Variants in IL1RAPL1 observed in about 807,000 individuals in gnomAD.
The protein encoded by IL1RAPL1 is interleukin-1 receptor accessory protein-like 1.
Under a neutral mutation model 48.4 loss-of-function variants are expected in IL1RAPL1, and 3 were observed. The observed-to-expected ratio is 0.06, with a 90% CI of 0.03 to 0.16. The LOEUF is 0.16. IL1RAPL1 is among the 10% of genes least tolerant of loss of function. The probability of loss-of-function intolerance (pLI) is 1.00; values close to 1 mark genes in which losing one functional copy is unlikely to be tolerated. For missense variants in IL1RAPL1, 349 were observed against 530.6 expected, an observed-to-expected ratio of 0.66 and a Z score of 3.36; for synonymous variants, 185 against 187.7, an observed-to-expected ratio of 0.99 and a Z score of 0.12.
At chrX:29,489,806 A>C (rs1020673619) in intron 5 of IL1RAPL1, among the ~76,000 whole-genome samples, 1 of 112,011 alleles carries the variant, frequency 8.9e-6, no homozygotes, top group Non-Finnish European at 1.9e-5. Context: ...GCTTAATACT[A>C]TGCAATACAA....
intron 6 of IL1RAPL1, among the ~76,000 whole-genome samples, chrX:29,717,600 C>T (rs1240855992): frequency 8.9e-6 from 1 of 112,418 alleles, no homozygotes; most frequent in Admixed American, 9.4e-5. Context: ...CAAACTATGG[C>T]CCTTGAGCCA....
chrX:29,582,136 G>A (rs750024568), intron 5 of IL1RAPL1, among the ~76,000 whole-genome samples: 5 of 111,071 alleles, frequency 4.5e-5, no homozygotes, highest in African/African-American at 1.6e-4. Context: ...ATTGCTTAAC[G>A]TGGGAAAACA....
At chrX:29,787,916 A>G (rs1929538753) in intron 6 of IL1RAPL1, among the ~76,000 whole-genome samples, 1 of 112,121 alleles carries the variant, frequency 8.9e-6, no homozygotes, top group African/African-American at 3.2e-5. Context: ...AACTGTTTAG[A>G]AAGTTTGTTT....
At chrX:28,933,577 G>A (rs1041343703) in intron 2 of IL1RAPL1, among the ~76,000 whole-genome samples, 6 of 111,303 alleles carry the variant, frequency 5.4e-5, no homozygotes, top group African/African-American at 2.0e-4. Flanking sequence ...AAATGTTATC[G>A]GAAATGGGCC....
At chrX:29,207,235 A>C (rs1930683485) in intron 2 of IL1RAPL1, among the ~76,000 whole-genome samples, 1 of 112,332 alleles carries the variant, frequency 8.9e-6, no homozygotes, top group African/African-American at 3.2e-5. Context: ...ACACAGAGAC[A>C]GTTTTGAAGT....
intron 6 of IL1RAPL1, among the ~76,000 whole-genome samples, chrX:29,881,785 T>A (rs1431695091): frequency 9.0e-6 from 1 of 111,715 alleles, no homozygotes; most frequent in Admixed American, 9.6e-5. Context: ...TAATATTTAT[T>A]GATCAGAATT....
intron 2 of IL1RAPL1, among the ~76,000 whole-genome samples, chrX:29,073,498 C>T (rs1927609153): frequency 9.0e-6 from 1 of 111,678 alleles, no homozygotes. Context: ...CTTTTTCAAT[C>T]ATATGCCTGC....
At chrX:29,212,818 T>C (rs965218193) in intron 2 of IL1RAPL1, among the ~76,000 whole-genome samples, 5 of 112,090 alleles carry the variant, frequency 4.5e-5, no homozygotes, top group Non-Finnish European at 5.6e-5. Flanking sequence ...GATCATGATA[T>C]AAGTCTTCAT....
At chrX:29,436,369 G>T (rs1345477740) in intron 5 of IL1RAPL1, among the ~76,000 whole-genome samples, 1 of 109,930 alleles carries the variant, frequency 9.1e-6, no homozygotes, top group East Asian at 2.8e-4. Context: ...TTCTGCTACT[G>T]GGACATTTTG....
rs1050867614 is a variant in IL1RAPL1, at chrX:29,157,178, A to G, written c.83-125760A>G. 2.7e-4 allele frequency among the ~76,000 whole-genome samples: 30 copies of G among 111,661 alleles called. No homozygotes were observed. In the Admixed American group the frequency reaches 2.8e-3, roughly 10 times the overall value. ...GGCTCTAAAACTCTTACTAAATGAGAGAAAATGACAGGGAGATCTGTAGAT... is the reference window on the plus strand; with the variant it reads ...GGCTCTAAAACTCTTACTAAATGAGGGAAAATGACAGGGAGATCTGTAGAT... On this transcript the variant is annotated intron_variant, in intron 2 of 10. Transcript: ENST00000378993.
chrX:29,231,516 G>A (rs1931202073), intron 2 of IL1RAPL1, among the ~76,000 whole-genome samples: 1 of 111,749 alleles, frequency 8.9e-6, no homozygotes, highest in African/African-American at 3.3e-5. Context: ...AATCTTTGAG[G>A]TTGTTTCTGT....
chrX:29,319,162 C>CTATCTATT (rs1325283593), intron 3 of IL1RAPL1, among the ~76,000 whole-genome samples: 1 of 46,567 alleles, frequency 2.1e-5, no homozygotes, highest in Admixed American at 2.2e-4. Flanking sequence ...ATCTGTCTGT[C>CTATCTATT]TATCTATCTA....
Position 29,412,339 on chromosome X carries a change from A to G in IL1RAPL1, c.703+13031A>G, listed in dbSNP as rs948293516. On this transcript the variant is annotated intron_variant, in intron 5 of 10. Coordinates refer to ENST00000378993, the MANE Select transcript of IL1RAPL1 (RefSeq NM_014271.4). ...AAAAATATCAACAACTGGGCTGTCC[A>G]ATATAATAGCCACAAGCACCATGTG... is the stretch of plus-strand genomic sequence containing the variant. 6.3e-5 allele frequency among the ~76,000 whole-genome samples: 7 copies of G among 111,889 alleles called. No individual in the cohort carries two copies. In the South Asian group the frequency reaches 2.2e-3, roughly 36 times the overall value.
intron 2 of IL1RAPL1, among the ~76,000 whole-genome samples, chrX:29,168,684 C>A (rs1347650634): frequency 1.4e-5 from 1 of 70,347 alleles, no homozygotes; most frequent in Non-Finnish European, 2.7e-5. Context: ...TATATATATT[C>A]ATATGTACAA....
chrX:29,846,353 T>C (rs557114817), intron 6 of IL1RAPL1, among the ~76,000 whole-genome samples: 1 of 111,578 alleles, frequency 9.0e-6, no homozygotes, highest in African/African-American at 3.3e-5. Flanking sequence ...CCCTGCTAAC[T>C]CTGACTCTTA....
intron 2 of IL1RAPL1, among the ~76,000 whole-genome samples, chrX:29,251,899 A>C (rs190230640): frequency 2.7e-5 from 3 of 111,450 alleles, no homozygotes; most frequent in Non-Finnish European, 5.7e-5. Context: ...GATTAAGAAA[A>C]TGTGGCACAT....
intron 5 of IL1RAPL1, among the ~76,000 whole-genome samples, chrX:29,660,729 C>T (rs775842564): frequency 1.4e-3 from 153 of 111,982 alleles, no homozygotes; most frequent in Non-Finnish European, 2.2e-3. Context: ...GTATTGGTTA[C>T]TATTGCTTTG....
intron 2 of IL1RAPL1, among the ~76,000 whole-genome samples, chrX:29,150,282 A>G (rs1363094820): frequency 8.9e-6 from 1 of 112,085 alleles, no homozygotes; most frequent in East Asian, 2.8e-4. Context: ...GGCTCTATGT[A>G]ACTTACCAGG....
chrX:28,688,053 G>A (rs1278940847), intron 1 of IL1RAPL1, among the ~76,000 whole-genome samples: 1 of 98,932 alleles, frequency 1.0e-5, no homozygotes, highest in Non-Finnish European at 2.0e-5. Context: ...GCAGTGAGCC[G>A]AGACTGCGTC....
Sources: allele counts gnomAD v4.1 joint callset (sites outside exome capture counted in the v4.1 genomes callset), GRCh38; gene constraint gnomAD v4.1.1; transcripts MANE v1.5; gene names NCBI Gene and HGNC (gene_info 2026-07-23, HGNC 2026-07-21).